The following TRHDE variants were observed in gnomAD, a reference collection of about 807,000 sequenced individuals.
TRHDE encodes the protein thyrotropin-releasing hormone-degrading ectoenzyme.
TRHDE carries 72 observed loss-of-function variants against 125.7 expected under a neutral mutation model. That is an observed-to-expected ratio of 0.57 (90% confidence interval 0.47 to 0.70). The LOEUF is 0.70. TRHDE is among the 30% of genes least tolerant of loss of function. The probability of loss-of-function intolerance (pLI) is 0.00; values close to 1 mark genes in which losing one functional copy is unlikely to be tolerated. For synonymous variants in TRHDE, 509 were observed against 509.1 expected (o/e 1.00, Z 0.00); for missense variants, 1,110 against 1,327.1 (o/e 0.84, Z 2.54).
chr12:72,444,097 T>C (rs1875155420), intron 3 of TRHDE, among the ~76,000 whole-genome samples: 1 of 151,922 alleles, frequency 6.6e-6, no homozygotes, highest in Non-Finnish European at 1.5e-5. Flanking sequence ...GCCTTGGCCT[T>C]GGGCCACATT....
chr12:72,497,711 A>G lies in TRHDE; in HGVS notation c.1585-1787A>G, dbSNP rs185744370. Among the ~76,000 whole-genome samples the G allele has an allele frequency of 1.0e-3, 152 of 152,284 alleles. 2 individuals are homozygous for G. The highest frequency in any genetic ancestry group is 1.2e-4 in the Non-Finnish European group (8 of 67,996). ...AAAATTGAATGAATAACAAGGTCGT[A>G]TATGTGCTTAAAAATAACATTAAAT... On this transcript the variant is annotated intron_variant, in intron 5 of 18. Coordinates refer to ENST00000261180, the MANE Select transcript of TRHDE (RefSeq NM_013381.3).
intron 5 of TRHDE, among the ~76,000 whole-genome samples, chr12:72,490,602 A>G (rs1267480933): frequency 7.3e-6 from 1 of 136,152 alleles, no homozygotes; most frequent in East Asian, 1.9e-4. Context: ...TTTGTGTATA[A>G]ATACACACAC....
intron 2 of TRHDE, among the ~76,000 whole-genome samples, chr12:72,288,792 T>C (rs1879985957): frequency 6.6e-6 from 1 of 152,168 alleles, no homozygotes; most frequent in Non-Finnish European, 1.5e-5. Flanking sequence ...ATGTGACTTT[T>C]TGTTAGAGTT....
intron 15 of TRHDE, among the ~76,000 whole-genome samples, chr12:72,628,769 G>T (rs1873362392): frequency 6.6e-6 from 1 of 151,832 alleles, no homozygotes; most frequent in South Asian, 2.1e-4. Flanking sequence ...TCATAGACAG[G>T]AATTGCTACC....
intron 3 of TRHDE, among the ~76,000 whole-genome samples, chr12:72,437,165 T>A (rs1408909231): frequency 1.3e-5 from 2 of 151,882 alleles, no homozygotes; most frequent in Non-Finnish European, 2.9e-5. Flanking sequence ...AAAATAGCAA[T>A]GATAATAAAA....
chr12:72,496,785 C>T (rs562047162), intron 5 of TRHDE, among the ~76,000 whole-genome samples: 12 of 152,210 alleles, frequency 7.9e-5, no homozygotes, highest in African/African-American at 2.9e-4. Flanking sequence ...AGACAGTAGG[C>T]AATTAACCAA....
In TRHDE at chr12:72,319,670, G is replaced by A. The variant is rs184533624; in HGVS notation, c.1188+32716G>A. Among the ~76,000 whole-genome samples the A allele has an allele frequency of 1.0e-3, 156 of 152,218 alleles. 1 individual carries two copies. The highest frequency in any genetic ancestry group is 3.6e-3 in the African/African-American group (149 of 41,530). On this transcript the variant is annotated intron_variant, in intron 2 of 18. Transcript: ENST00000261180. The stretch of plus-strand genomic sequence containing the variant: ...GACCACATTATTTTGGCTCTTTGCA[G>A]GATTGCTTTTTACTGAACTGTGATT...
intron 2 of TRHDE, among the ~76,000 whole-genome samples, chr12:72,147,125 G>T (rs574814866): frequency 1.3e-5 from 2 of 152,208 alleles, no homozygotes; most frequent in South Asian, 4.2e-4. Flanking sequence ...GGGCAAAATA[G>T]GGGGTGTGGT....
intron 1 of TRHDE, among the ~76,000 whole-genome samples, chr12:72,281,715 CTTTA>C (rs1371278210): frequency 6.6e-6 from 1 of 152,096 alleles, no homozygotes; most frequent in Non-Finnish European, 1.5e-5. Context: ...CATGTCTTAC[CTTTA>C]TGAAAAGGCA....
intron 3 of TRHDE, among the ~76,000 whole-genome samples, chr12:72,448,676 C>T (rs1875420531): frequency 6.7e-6 from 1 of 150,338 alleles, no homozygotes; most frequent in Non-Finnish European, 1.5e-5. Context: ...TCTAAAGTGT[C>T]TTAGAGTATG....
rs182870479 is a variant in TRHDE, at chr12:72,123,631, G to A, written n.279+17879G>A. Among the ~76,000 whole-genome samples, 7 of 151,858 alleles carry A rather than the reference G, an allele frequency of 4.6e-5. No homozygotes were observed. In the South Asian group the frequency reaches 8.3e-4, roughly 18 times the overall value. ...AATGTTTAAATTCATTAATACTTTTGAGCATATATTTTTACCTTTTTAAAA... is the reference window on the plus strand; with the variant it reads ...AATGTTTAAATTCATTAATACTTTTAAGCATATATTTTTACCTTTTTAAAA... On this transcript the variant is annotated intron_variant and non_coding_transcript_variant, in intron 2 of 4. Coordinates refer to the TRHDE transcript ENST00000548156.
intron 2 of TRHDE, among the ~76,000 whole-genome samples, chr12:72,363,114 A>C (rs1481400385): frequency 2.0e-5 from 3 of 152,010 alleles, no homozygotes; most frequent in Non-Finnish European, 2.9e-5. Flanking sequence ...AGTCATTGGT[A>C]GCTTGATGGG....
intron 3 of TRHDE, among the ~76,000 whole-genome samples, chr12:72,395,922 A>T (rs1457263218): frequency 1.3e-5 from 2 of 148,208 alleles, no homozygotes; most frequent in Non-Finnish European, 3.0e-5. Context: ...TATTTATTTC[A>T]TTTTTTTTTT....
At chr12:72,407,888 T>A (rs1873333072) in intron 3 of TRHDE, among the ~76,000 whole-genome samples, 1 of 152,202 alleles carries the variant, frequency 6.6e-6, no homozygotes, top group South Asian at 2.1e-4. Context: ...GCTACGAACA[T>A]GACCTTGATG....
chr12:72,351,651 T>C (rs771763010), intron 2 of TRHDE, among the ~76,000 whole-genome samples: 1 of 151,940 alleles, frequency 6.6e-6, no homozygotes, highest in Non-Finnish European at 1.5e-5. Context: ...TATCTCTCCA[T>C]TGGACTATGG....
chr12:72,320,708 G>GAT (rs1343999382), intron 2 of TRHDE, among the ~76,000 whole-genome samples: 2 of 152,120 alleles, frequency 1.3e-5, no homozygotes, highest in Non-Finnish European at 2.9e-5. Context: ...TGCAATATGT[G>GAT]ATAAAATATG....
intron 3 of TRHDE, among the ~76,000 whole-genome samples, chr12:72,442,102 G>A (rs937782749): frequency 6.6e-6 from 1 of 151,784 alleles, no homozygotes; most frequent in Non-Finnish European, 1.5e-5. Flanking sequence ...GGATTATTTG[G>A]GATTTACGTT....
chr12:72,576,998 A>AC (rs148402873), intron 12 of TRHDE, among the ~76,000 whole-genome samples: 2,333 of 152,296 alleles, frequency 0.015, 57 homozygotes, highest in African/African-American at 0.053. Context: ...AGGCCTGCTG[A>AC]ATCATGTGTG....
intron 12 of TRHDE, among the ~76,000 whole-genome samples, chr12:72,587,589 C>CT (rs1186506844): frequency 6.6e-6 from 1 of 151,568 alleles, no homozygotes; most frequent in Non-Finnish European, 1.5e-5. Flanking sequence ...AGAAAGACAT[C>CT]TTTTTTATGG....
Sources: gnomAD v4.1 joint callset for allele counts (sites outside exome capture counted in the v4.1 genomes callset) on GRCh38, gnomAD v4.1.1 for gene constraint, MANE v1.5 for transcripts, NCBI Gene and HGNC (gene_info 2026-07-23, HGNC 2026-07-21) for gene names.